The following STRN3 variants were observed in gnomAD, a reference collection of about 807,000 sequenced individuals.
The protein encoded by STRN3 is striatin-3.
In STRN3, 29 loss-of-function variants were observed where a neutral mutation model predicts 95.6. The observed-to-expected ratio is 0.30, with a 90% CI of 0.23 to 0.41. STRN3 has a LOEUF of 0.41. Among genes scored for constraint, STRN3 ranks in the 10% least tolerant of loss-of-function variants. The pLI is 1.00. For synonymous variants in STRN3, 331 were observed against 357.6 expected, an observed-to-expected ratio of 0.93 and a Z score of 0.84; for missense variants, 890 against 972.1, an observed-to-expected ratio of 0.92 and a Z score of 1.12.
chr14:30,948,981 A>G (rs1422656134), intron 4 of STRN3, among the ~76,000 whole-genome samples: 2 of 152,256 alleles, frequency 1.3e-5, no homozygotes, highest in Non-Finnish European at 2.9e-5. Flanking sequence ...ATGGGCAATT[A>G]TTTGATCAGT....
At chr14:30,997,756 T>A (rs1324266359) in intron 1 of STRN3, among the ~76,000 whole-genome samples, 2 of 152,194 alleles carry the variant, frequency 1.3e-5, no homozygotes, top group East Asian at 3.8e-4. Context: ...TAGGAACCCG[T>A]GCATCCTTAT....
At chr14:30,925,806 CATTT>C (rs1175187821) in intron 8 of STRN3, among the ~76,000 whole-genome samples, 1 of 151,936 alleles carries the variant, frequency 6.6e-6, no homozygotes, top group Non-Finnish European at 1.5e-5. Context: ...AATTATGTGT[CATTT>C]ATAAGCAAAA....
At chr14:30,914,888 C>T (rs540943877) in intron 9 of STRN3, among the ~76,000 whole-genome samples, 10 of 152,118 alleles carry the variant, frequency 6.6e-5, no homozygotes, top group Non-Finnish European at 1.0e-4. Context: ...ATTTAAAATG[C>T]GTTTTCCTTT....
chr14:30,921,263 TTTAA>T (rs1304595242), intron 8 of STRN3, among the ~76,000 whole-genome samples: 1 of 151,696 alleles, frequency 6.6e-6, no homozygotes, highest in Non-Finnish European at 1.5e-5. Flanking sequence ...TTGTAAATAA[TTTAA>T]TTATATGATA....
chr14:30,991,901 C>G (rs1881972401), intron 1 of STRN3, among the ~76,000 whole-genome samples: 1 of 146,194 alleles, frequency 6.8e-6, no homozygotes, highest in South Asian at 2.2e-4. Flanking sequence ...GCCTAGTCAA[C>G]ATAGCAAGAC....
rs1430656541 is a variant in STRN3 at position 30,941,421 on chromosome 14, CAG to C, written c.717-4799_717-4798del. 2.6e-5 allele frequency among the ~76,000 whole-genome samples: 4 copies of C among 152,310 alleles called. No individual in the cohort carries two copies. In the East Asian group the frequency reaches 7.7e-4, roughly 29 times the overall value. On this transcript the variant is annotated intron_variant, in intron 5 of 17. Transcript: ENST00000357479. ...CTGGAAGTCACACAGTAGGAGAAAA[CAG>C]GAGACCTCAATGCTCAGCTGGAGAC...
intron 9 of STRN3, among the ~76,000 whole-genome samples, 158 bp from the exon 10 acceptor site, chr14:30,913,815 T>C (rs1358278265): frequency 6.6e-6 from 1 of 152,212 alleles, no homozygotes; most frequent in Non-Finnish European, 1.5e-5. Flanking sequence ...CTAAGCAGTG[T>C]TAAACAAATG....
intron 16 of STRN3, among the ~76,000 whole-genome samples, chr14:30,897,953 T>C (rs1224353139): frequency 6.6e-6 from 1 of 152,130 alleles, no homozygotes; most frequent in Non-Finnish European, 1.5e-5. Flanking sequence ...TAGCTTTCCT[T>C]ATGTTAAATC....
intron 9 of STRN3, among the ~76,000 whole-genome samples, chr14:30,917,076 A>G (rs1157419833): frequency 6.6e-6 from 1 of 152,204 alleles, no homozygotes; most frequent in Non-Finnish European, 1.5e-5. Flanking sequence ...CTTCAAAAGT[A>G]AAGAAGGAAG....
chr14:30,980,680 C>A (rs973167274), intron 1 of STRN3, among the ~76,000 whole-genome samples: 1 of 152,070 alleles, frequency 6.6e-6, no homozygotes, highest in Non-Finnish European at 1.5e-5. Flanking sequence ...GGATAACAGG[C>A]GTGACCCACC....
At position 30,980,025 on chromosome 14, in the gene STRN3, G is replaced by T. The variant is rs1054134569; in HGVS notation, c.283-23783C>A. Among the ~76,000 whole-genome samples the T allele has an allele frequency of 2.6e-5, 4 of 151,782 alleles. No homozygotes were observed. The East Asian group carries it at 5.9e-4, about 22-fold the overall frequency. ...ACCACCTTGGGAGGCCAAGGTGGGC[G>T]GATCACGAGGTCAGGGGTTCTAGAC... is the stretch of plus-strand genomic sequence containing the variant. On this transcript the variant is annotated intron_variant, in intron 1 of 17. Transcript: ENST00000357479.
intron 5 of STRN3, among the ~76,000 whole-genome samples, chr14:30,943,757 A>G (rs1879205766): frequency 6.6e-6 from 1 of 152,234 alleles, no homozygotes; most frequent in Non-Finnish European, 1.5e-5. Context: ...TGAAGACATT[A>G]CGCTAAGTAA....
intron 1 of STRN3, among the ~76,000 whole-genome samples, chr14:30,987,722 A>G (rs565159978): frequency 6.6e-6 from 1 of 151,484 alleles, no homozygotes; most frequent in East Asian, 2.0e-4. Context: ...ATTTTCTTAC[A>G]TTCAATCAGT....
At chr14:31,018,160 A>G (rs1330272329) in intron 1 of STRN3, among the ~76,000 whole-genome samples, 1 of 151,766 alleles carries the variant, frequency 6.6e-6, no homozygotes, top group Non-Finnish European at 1.5e-5. Flanking sequence ...TAATAAAAAT[A>G]TATTTCAGGT....
intron 5 of STRN3, among the ~76,000 whole-genome samples, chr14:30,941,906 G>A (rs1879112268): frequency 6.6e-6 from 1 of 152,136 alleles, no homozygotes; most frequent in Non-Finnish European, 1.5e-5. Context: ...GATTACAGGC[G>A]TGAGCCACCA....
intron 1 of STRN3, among the ~76,000 whole-genome samples, chr14:30,975,555 A>AAAAG (rs1555323063): frequency 7.7e-5 from 11 of 143,328 alleles, no homozygotes; most frequent in Non-Finnish European, 7.5e-5. Flanking sequence ...AAAAAAAAAA[A>AAAAG]AAGAAGAAGA....
At chr14:30,897,054 T>C (rs1364572380) in intron 16 of STRN3, among the ~76,000 whole-genome samples, 1 of 152,192 alleles carries the variant, frequency 6.6e-6, no homozygotes, top group Non-Finnish European at 1.5e-5. Context: ...CTCCTTTCAC[T>C]CAGCAATGAG....
At position 30,935,283 on chromosome 14, in the gene STRN3, C is replaced by G. The variant is rs200207541; in HGVS notation, c.868G>C (p.Ala290Pro). 17 of 1,614,010 alleles carry G rather than the reference C, an allele frequency of 1.1e-5. No homozygotes were observed. In the African/African-American group the frequency reaches 2.3e-4, roughly 22 times the overall value. ...GTATCAGGATCGTCAGTTAGGTCAG[C>G]AGCTAAACCTTCATTACCTATCTGT... ...KHKIGNEGLA[A>P]DLTDDPDTEE... The change falls in exon 7 of 18, where the codon GCT (alanine) becomes CCT (proline). Residue 290 changes from alanine to proline, a missense_variant. Ala to Pro is a conservative substitution (Grantham distance 27, BLOSUM62 -1). Coordinates refer to ENST00000357479, the MANE Select transcript of STRN3 (RefSeq NM_001083893.2).
chr14:31,016,063 A>G (rs1883223447), intron 1 of STRN3, among the ~76,000 whole-genome samples: 1 of 152,206 alleles, frequency 6.6e-6, no homozygotes, highest in Admixed American at 6.5e-5. Context: ...TACAACTCCA[A>G]AAGCTGAAAG....
Sources: gnomAD v4.1 joint callset for allele counts (sites outside exome capture counted in the v4.1 genomes callset) on GRCh38, gnomAD v4.1.1 for gene constraint, MANE v1.5 for transcripts, NCBI Gene and HGNC (gene_info 2026-07-23, HGNC 2026-07-21) for gene names.